The following PCSK2 variants were observed in gnomAD, a reference collection of about 807,000 sequenced individuals.
PCSK2 encodes the protein proprotein convertase subtilisin/kexin type 2.
In PCSK2, 14 loss-of-function variants were observed where a neutral mutation model predicts 69.7. The observed-to-expected ratio is 0.20, with a 90% confidence interval of 0.13 to 0.31. PCSK2 has a LOEUF of 0.31. PCSK2 is among the 10% of genes least tolerant of loss of function. The pLI is 1.00. For missense variants in PCSK2, 544 were observed against 842.5 expected (o/e 0.65, Z 4.39); for synonymous variants, 307 against 320.7 (o/e 0.96, Z 0.46).
intron 11 of PCSK2, among the ~76,000 whole-genome samples, chr20:17,466,437 G>A (rs1030519174): frequency 6.6e-6 from 1 of 152,050 alleles, no homozygotes; most frequent in Non-Finnish European, 1.5e-5. Flanking sequence ...TCTACCTGTG[G>A]GACAATCTAA....
chr20:17,436,545 A>T (rs553154952), intron 7 of PCSK2, among the ~76,000 whole-genome samples, 163 bp from the exon 8 acceptor site: 1 of 152,218 alleles, frequency 6.6e-6, no homozygotes. Context: ...AGCCAGTAGG[A>T]CCGTCTGTGC....
At chr20:17,286,541 T>C (rs1365215142) in intron 2 of PCSK2, among the ~76,000 whole-genome samples, 2 of 152,184 alleles carry the variant, frequency 1.3e-5, no homozygotes, top group African/African-American at 4.8e-5. Context: ...ACTAAATACT[T>C]TTCCAGGAGC....
intron 11 of PCSK2, among the ~76,000 whole-genome samples, chr20:17,473,722 T>C (rs2033243778): frequency 6.6e-6 from 1 of 152,176 alleles, no homozygotes; most frequent in Non-Finnish European, 1.5e-5. Context: ...GCTCTCCCAA[T>C]GCCACGATGC....
intron 7 of PCSK2, among the ~76,000 whole-genome samples, chr20:17,431,713 C>G (rs946419680): frequency 6.6e-6 from 1 of 152,174 alleles, no homozygotes; most frequent in Non-Finnish European, 1.5e-5. Context: ...TCCTCTGGCT[C>G]CCTGGGGCGT....
chr20:17,361,180 A>T (rs2030380020), intron 4 of PCSK2, among the ~76,000 whole-genome samples: 1 of 152,088 alleles, frequency 6.6e-6, no homozygotes, highest in South Asian at 2.1e-4. Context: ...CATTAGCGTG[A>T]CTCTACATCC....
intron 6 of PCSK2, among the ~76,000 whole-genome samples, chr20:17,415,283 AC>A (rs2031974436): frequency 6.6e-6 from 1 of 152,142 alleles, no homozygotes; most frequent in Admixed American, 6.6e-5. Context: ...TATCTAGAAA[AC>A]CCCATCGTCT....
chr20:17,482,066 A>G lies in PCSK2; in HGVS notation c.1913A>G (p.Asn638Ser). 1 of 1,575,664 alleles carries G rather than the reference A, an allele frequency of 6.3e-7. No individual in the cohort carries two copies. The highest frequency in any genetic ancestry group is 1.2e-5 in the South Asian group (1 of 84,632). Residue 638 changes from asparagine (N) to serine (S), a missense_variant, in exon 12 of 12, where the codon AAC (asparagine) becomes AGC (serine). Around this residue, in one of 3 missense-constraint regions of PCSK2, gnomAD observed 200 missense variants for 287.8 expected, o/e 0.69. Coordinates refer to ENST00000262545, the MANE Select transcript of PCSK2 (RefSeq NM_002594.5). ...ERSLKSILNK[N>S] is the part of the protein sequence containing the mutation. ...AGCCTGAAAAGCATCCTTAACAAGAACTAGCGCTGCACATCCGCCTTTCCC... is the reference window on the plus strand; with the variant it reads ...AGCCTGAAAAGCATCCTTAACAAGAGCTAGCGCTGCACATCCGCCTTTCCC...
chr20:17,324,312 G>A (rs1989972428), intron 2 of PCSK2, among the ~76,000 whole-genome samples: 1 of 152,256 alleles, frequency 6.6e-6, no homozygotes, highest in African/African-American at 2.4e-5. Context: ...ACCTCTGTAT[G>A]GATCTCTAGG....
At position 17,411,470 on chromosome 20, in the gene PCSK2, T is replaced by A. The variant is rs534157351; in HGVS notation, c.620+2131T>A. ...ATTGATCTGCAAGGCAGCAGCCTGA[T>A]GGAGGGAGGCTGAGACTTGAGTAGG... On this transcript the variant is annotated intron_variant, in intron 6 of 11. Coordinates refer to ENST00000262545, the MANE Select transcript of PCSK2 (RefSeq NM_002594.5). Among the ~76,000 whole-genome samples the A allele has an allele frequency of 5.9e-5, 9 of 152,032 alleles. No individual in the cohort carries two copies. The East Asian group carries it at 1.7e-3, about 29-fold the overall frequency.
At chr20:17,454,028 A>G in intron 9 of PCSK2, 71 bp downstream of exon 9, 1 of 1,588,206 alleles carries the variant, frequency 6.3e-7, no homozygotes, top group Non-Finnish European at 8.6e-7. Flanking sequence ...GGATGCTGGG[A>G]CACTGGCTTG....
intron 8 of PCSK2, among the ~76,000 whole-genome samples, chr20:17,445,590 C>A (rs1383656833): frequency 6.6e-6 from 1 of 152,196 alleles, no homozygotes; most frequent in Admixed American, 6.5e-5. Flanking sequence ...GGACAGAGAG[C>A]TGCCTGGGGA....
chr20:17,227,381 G>A lies in PCSK2; in HGVS notation c.76G>A (p.Glu26Lys). Reference sequence around the variant, plus strand: ...CTGTGTCATGGTTTTTGCATCTGCTGAGCGACCGGTCTTCACGAATCATTT... The same window carrying A: ...CTGTGTCATGGTTTTTGCATCTGCTAAGCGACCGGTCTTCACGAATCATTT... ...LFCVMVFASA[E>K]RPVFTNHFLV... Residue 26 changes from glutamate to lysine, a missense_variant, in exon 1 of 12, where the codon GAG becomes AAG. Glu to Lys is a moderately conservative substitution (Grantham distance 56, BLOSUM62 1). This residue lies in a region of PCSK2 where 157 missense variants were observed against 155.0 expected (regional missense o/e 1.01). Transcript: ENST00000262545. 2.5e-6 allele frequency: 4 copies of A among 1,613,954 alleles called. No homozygotes were observed. Among genetic ancestry groups the A allele is most frequent in the East Asian group, 2.2e-5 (1 of 44,838 alleles).
intron 2 of PCSK2, among the ~76,000 whole-genome samples, chr20:17,261,492 T>C (rs1340932): frequency 0.86 from 131,152 of 152,204 alleles, 56,729 homozygotes; most frequent in Admixed American, 0.9. Flanking sequence ...TCCCACCTTC[T>C]CTAAAGAGGA....
chr20:17,257,903 G>A (rs1987237106), intron 1 of PCSK2, among the ~76,000 whole-genome samples: 1 of 152,124 alleles, frequency 6.6e-6, no homozygotes, highest in Admixed American at 6.5e-5. Flanking sequence ...CTTTTACAAA[G>A]GTTTTTGTCC....
chr20:17,298,607 A>G (rs1461939799), intron 2 of PCSK2, among the ~76,000 whole-genome samples: 1 of 152,198 alleles, frequency 6.6e-6, no homozygotes, highest in Non-Finnish European at 1.5e-5. Context: ...ATTGTATTTA[A>G]ATTATTTTTA....
chr20:17,399,636 A>T (rs2031590799), intron 5 of PCSK2, among the ~76,000 whole-genome samples: 1 of 152,160 alleles, frequency 6.6e-6, no homozygotes, highest in Non-Finnish European at 1.5e-5. Context: ...TGGCATAATA[A>T]GGATTGCAGG....
intron 5 of PCSK2, among the ~76,000 whole-genome samples, chr20:17,375,066 T>G (rs999097713): frequency 6.6e-6 from 1 of 152,188 alleles, no homozygotes; most frequent in Non-Finnish European, 1.5e-5. Flanking sequence ...ATGGATGTCT[T>G]GTCAGGTTTG....
intron 7 of PCSK2, among the ~76,000 whole-genome samples, chr20:17,432,712 A>T (rs1236924419): frequency 6.6e-6 from 1 of 152,168 alleles, no homozygotes; most frequent in Non-Finnish European, 1.5e-5. Context: ...GGTTTTTGCA[A>T]ATTTGTCAAA....
intron 1 of PCSK2, among the ~76,000 whole-genome samples, chr20:17,239,579 A>G (rs1005139380): frequency 6.6e-6 from 1 of 152,148 alleles, no homozygotes; most frequent in African/African-American, 2.4e-5. Flanking sequence ...GAAAATGAGG[A>G]GAGGACCAAA....
Sources: gnomAD v4.1 joint callset for allele counts (sites outside exome capture counted in the v4.1 genomes callset) on GRCh38, gnomAD v4.1.1 for gene constraint, gnomAD v4.1.1 regional missense constraint, MANE v1.5 for transcripts, NCBI Gene and HGNC (gene_info 2026-07-23, HGNC 2026-07-21) for gene names.